MMP17: variants seen among roughly 807,000 people sequenced by gnomAD.
MMP17 encodes the protein matrix metalloproteinase-17.
In MMP17, 54 loss-of-function variants were observed where a neutral mutation model predicts 49.1. The ratio of observed to expected loss-of-function variants is 1.10; its 90% confidence interval spans 0.88 to 1.38. MMP17 has a LOEUF of 1.38. Among genes scored for constraint, MMP17 ranks in the 40% most tolerant of loss-of-function variants. MMP17 has a pLI of 0.00. For missense variants in MMP17, 837 were observed against 853.7 expected (o/e 0.98, Z 0.24); for synonymous variants, 397 against 383.1 (o/e 1.04, Z -0.42).
In MMP17 at chr12:131,838,672, T is replaced by C; in HGVS notation, c.353T>C (p.Leu118Pro). The C allele has an allele frequency of 6.2e-7, 1 of 1,610,522 alleles. No homozygotes were observed. Among genetic ancestry groups the C allele is most frequent in the East Asian group, 2.2e-5 (1 of 44,802 alleles). ...TGCTCCCTGCCAGACCTCCCTGTCC[T>C]GACCCAGGCTCGCAGGAGACGCCAG... is the stretch of plus-strand genomic sequence containing the variant. ...PRCSLPDLPVLTQARRRRQAP... is the reference protein window; with the variant it reads ...PRCSLPDLPVPTQARRRRQAP... The change falls in exon 3 of 10, where the codon CTG becomes CCG. Residue 118 changes from leucine to proline, a missense_variant. Leu to Pro is a moderately conservative substitution (Grantham distance 98). Coordinates refer to ENST00000360564, the MANE Select transcript of MMP17 (RefSeq NM_016155.7).
chr12:131,828,652 T>A lies in MMP17; in HGVS notation c.158T>A (p.Val53Glu). The change falls in exon 1 of 10, where the codon GTG becomes GAG. Residue 53 changes from valine (V) to glutamate (E), a missense_variant and splice_region_variant. Physicochemically the swap from Val to Glu is moderately radical, Grantham distance 121. Coordinates refer to ENST00000360564, the MANE Select transcript of MMP17 (RefSeq NM_016155.7). ...APRAEDLSLGVEWLSRFGYLP... is the reference protein window; with the variant it reads ...APRAEDLSLGEEWLSRFGYLP... ...CGCGCCGAGGACCTCAGCCTGGGAGTGGTGAGCGCGCGGGCGGGACGGGCG... is the reference window on the plus strand; with the variant it reads ...CGCGCCGAGGACCTCAGCCTGGGAGAGGTGAGCGCGCGGGCGGGACGGGCG... 2.0e-6 allele frequency: 1 copy of A among 487,862 alleles called. No homozygotes were observed. Among genetic ancestry groups the A allele is most frequent in the Non-Finnish European group, 2.8e-6 (1 of 361,576 alleles). The allele number at this position is 487,862 out of a possible 1,614,324, so 30.2% of individuals were successfully genotyped here.
In MMP17 at chr12:131,841,809, C is replaced by T. The variant is rs754072320; in HGVS notation, c.883+9C>T. On this transcript the variant is annotated intron_variant, in intron 5 of 9. Coordinates refer to ENST00000360564, the MANE Select transcript of MMP17 (RefSeq NM_016155.7). ...CGTCTGGCAGCTGTACGGTGAGTGT[C>T]TCCCCGAAGCCAGACACAGGGCCCC... 1 of 1,567,650 alleles carries T rather than the reference C, an allele frequency of 6.4e-7. No individual in the cohort carries two copies. The highest frequency in any genetic ancestry group is 1.1e-5 in the South Asian group (1 of 87,376).
chr12:131,847,994 T>G (rs1887793784), intron 8 of MMP17, among the ~76,000 whole-genome samples: 1 of 152,124 alleles, frequency 6.6e-6, no homozygotes, highest in Non-Finnish European at 1.5e-5. Context: ...ATCTCCTTAA[T>G]CCCTCCCCCT....
At chr12:131,841,849 G>A in intron 5 of MMP17, 49 bp downstream of exon 5, 1 of 1,506,074 alleles carries the variant, frequency 6.6e-7, no homozygotes, top group Non-Finnish European at 8.9e-7. Context: ...AGAGGGGTCA[G>A]AAACCCCAGG....
chr12:131,850,799 G>T, intron 9 of MMP17, 126 bp from the exon 10 acceptor site: 1 of 639,384 alleles, frequency 1.6e-6, no homozygotes. Context: ...GCCCCCTGCT[G>T]TCTGGCCCGA....
chr12:131,848,544 G>T (rs75635892), intron 8 of MMP17, among the ~76,000 whole-genome samples: 27,243 of 152,170 alleles, frequency 0.18, 2,730 homozygotes, highest in Non-Finnish European at 0.22. Context: ...AAACGGAAAC[G>T]CTGCCCCGTG....
rs772936534 is a variant in MMP17 at position 131,838,339 on chromosome 12, AG to A, written c.292+17del. The A allele has an allele frequency of 1.0e-4, 167 of 1,611,402 alleles. No individual in the cohort carries two copies. The African/African-American group carries it at 1.4e-3, about 14-fold the overall frequency. On this transcript the variant is annotated intron_variant, in intron 2 of 9. Coordinates refer to ENST00000360564, the MANE Select transcript of MMP17 (RefSeq NM_016155.7). ...CACCGGCATCCTGGGTCAGTTCTCC[AG>A]GGGGCAGCGGGAGCGCCGTGGCCCC...
At chr12:131,847,158 A>G (rs551152300) in intron 8 of MMP17, among the ~76,000 whole-genome samples, 1 of 151,994 alleles carries the variant, frequency 6.6e-6, no homozygotes, top group East Asian at 1.9e-4. Context: ...CACGCCTGCA[A>G]TCCCAGCATT....
At chr12:131,834,416 G>T (rs1222751636) in intron 1 of MMP17, among the ~76,000 whole-genome samples, 1 of 152,202 alleles carries the variant, frequency 6.6e-6, no homozygotes, top group East Asian at 1.9e-4. Flanking sequence ...AGCAGAGGGA[G>T]GACCAGGCGG....
intron 5 of MMP17, among the ~76,000 whole-genome samples, chr12:131,843,553 C>T (rs1887536156): frequency 6.6e-6 from 1 of 152,196 alleles, no homozygotes; most frequent in South Asian, 2.1e-4. Flanking sequence ...GGCCCGGCTT[C>T]TTCCACTGAG....
In MMP17 at chr12:131,843,267, C is replaced by CTTT. The variant is rs55938259; in HGVS notation, c.884-708_884-706dup. 6.2e-3 allele frequency among the ~76,000 whole-genome samples: 667 copies of CTTT among 107,978 alleles called. 13 individuals carry two copies. The highest frequency in any genetic ancestry group is 0.025 in the African/African-American group (621 of 25,182). 70.8% of individuals were successfully genotyped at this position (107,978 alleles called of 152,430 possible). A position where few individuals can be genotyped will look rare whatever the true frequency, so the allele number is the denominator to read the frequency against. ...AGGCGTGAGCCACCGCACCTGGCCTCTTTTTTTTTTTTTTTTTTTTTTTTA... is the reference window on the plus strand; with the variant it reads ...AGGCGTGAGCCACCGCACCTGGCCTCTTTTTTTTTTTTTTTTTTTTTTTTTTTA... On this transcript the variant is annotated intron_variant, in intron 5 of 9. Transcript: ENST00000360564.
At chr12:131,849,340 T>C (rs1256763191) in intron 8 of MMP17, among the ~76,000 whole-genome samples, 1 of 151,874 alleles carries the variant, frequency 6.6e-6, no homozygotes, top group African/African-American at 2.4e-5. Context: ...AAAAATTAGC[T>C]GGGTGTGGTG....
intron 6 of MMP17, 73 bp from the exon 7 acceptor site, chr12:131,845,045 G>T: frequency 7.2e-7 from 1 of 1,382,456 alleles, no homozygotes. Context: ...CAGGTCAGGG[G>T]CTCTGCCGCA....
intron 8 of MMP17, among the ~76,000 whole-genome samples, chr12:131,849,018 A>ACCCGGCAGCGG (rs1352287367): frequency 2.0e-5 from 3 of 151,434 alleles, no homozygotes; most frequent in Non-Finnish European, 4.4e-5. Context: ...ACAATTTCAT[A>ACCCGGCAGCGG]CTCCCTCCCC....
At chr12:131,830,039 C>T (rs891045612) in intron 1 of MMP17, among the ~76,000 whole-genome samples, 4 of 152,234 alleles carry the variant, frequency 2.6e-5, no homozygotes, top group Non-Finnish European at 4.4e-5. Context: ...GGGTCTCCAG[C>T]TGTGGAGGGA....
At chr12:131,838,062 CAA>C in intron 1 of MMP17, 131 bp from the exon 2 acceptor site, 12 of 1,160,814 alleles carry the variant, frequency 1.0e-5, no homozygotes, top group Non-Finnish European at 1.2e-5. Flanking sequence ...AGGGAAGAGA[CAA>C]GAGGTGCCTT....
Position 131,840,706 on chromosome 12 carries a change from C to T in MMP17, c.556C>T (p.Gln186Ter), listed in dbSNP as rs147565301. ...HEVAGSAADIQIDFSKADHND... is the reference protein window; with the variant it reads ...HEVAGSAADI ...GGTGGCGGGCAGCGCCGCCGACATC[C>T]AGATCGACTTCTCCAAGGCCGACCA... The change falls in exon 4 of 10, where the codon CAG (glutamine) becomes TAG (stop). Residue 186 changes from glutamine (Q) to a stop codon, truncating the protein, a stop_gained. Coordinates refer to ENST00000360564, the MANE Select transcript of MMP17 (RefSeq NM_016155.7). LOFTEE classifies it high-confidence loss of function. The T allele has an allele frequency of 6.2e-7, 1 of 1,605,636 alleles. No individual in the cohort carries two copies. Among genetic ancestry groups the T allele is most frequent in the Admixed American group, 1.7e-5 (1 of 60,034 alleles).
intron 8 of MMP17, among the ~76,000 whole-genome samples, chr12:131,845,872 CCAAAAACAT>C (rs1174255363): frequency 6.6e-6 from 1 of 152,122 alleles, no homozygotes; most frequent in African/African-American, 2.4e-5. Context: ...CTGCCGAGTC[CCAAAAACAT>C]CAAAGGGGCT....
At position 131,851,710 on chromosome 12, in the gene MMP17, A is replaced by C; in HGVS notation, c.*436A>C. The stretch of plus-strand genomic sequence containing the variant: ...CCCTCCCCACAGACGAGCCCCCCAC[A>C]TGGTGCCGCGGCACGTCCCCCCTGT... On this transcript the variant is annotated 3_prime_UTR_variant, in exon 10 of 10. Coordinates refer to ENST00000360564, the MANE Select transcript of MMP17 (RefSeq NM_016155.7). The C allele has an allele frequency of 1.8e-5, 3 of 165,566 alleles. No homozygotes were observed. The highest frequency in any genetic ancestry group is 2.6e-5 in the Non-Finnish European group (2 of 77,718). 10.3% of individuals were successfully genotyped at this position (165,566 alleles called of 1,614,324 possible).
Sources: allele counts gnomAD v4.1 joint callset (sites outside exome capture counted in the v4.1 genomes callset), GRCh38; gene constraint gnomAD v4.1.1; transcripts MANE v1.5; gene names NCBI Gene and HGNC (gene_info 2026-07-23, HGNC 2026-07-21).